KITLG: variants seen among roughly 807,000 people sequenced by gnomAD.
KITLG encodes the protein c-Kit ligand.
In KITLG, 13 loss-of-function variants were observed where a neutral mutation model predicts 34.1. The ratio of observed to expected loss-of-function variants is 0.38; its 90% CI spans 0.25 to 0.61. KITLG has a LOEUF of 0.61. Ranked by LOEUF, KITLG falls within the 20% of genes least tolerant of loss-of-function variation. The probability of loss-of-function intolerance (pLI) is 0.60; values close to 1 mark genes in which losing one functional copy is unlikely to be tolerated. For synonymous variants in KITLG, 110 were observed against 104.0 expected, an observed-to-expected ratio of 1.06 and a Z score of -0.35; for missense variants, 292 against 318.9, an observed-to-expected ratio of 0.92 and a Z score of 0.64.
At chr12:88,577,090 G>A (rs1301954039) in intron 1 of KITLG, among the ~76,000 whole-genome samples, 1 of 152,052 alleles carries the variant, frequency 6.6e-6, no homozygotes, top group Admixed American at 6.6e-5. Flanking sequence ...TACATAAATT[G>A]GAATTATTCA....
intron 3 of KITLG, among the ~76,000 whole-genome samples, chr12:88,532,148 G>A (rs1870118222): frequency 6.6e-6 from 1 of 152,058 alleles, no homozygotes; most frequent in South Asian, 2.1e-4. Flanking sequence ...TCCTGATGGT[G>A]GAGTGAGTGG....
At chr12:88,545,255 C>T (rs1870679296) in intron 2 of KITLG, among the ~76,000 whole-genome samples, 1 of 152,194 alleles carries the variant, frequency 6.6e-6, no homozygotes, top group Non-Finnish European at 1.5e-5. Context: ...AATGAATCAC[C>T]TCTCTATGTT....
chr12:88,521,262 G>C (rs2120849921), intron 3 of KITLG, among the ~76,000 whole-genome samples: 1 of 152,210 alleles, frequency 6.6e-6, no homozygotes, highest in African/African-American at 2.4e-5. Flanking sequence ...TGATCTGCCT[G>C]CTTGTAAGAG....
In KITLG at chr12:88,547,617, GC is replaced by G. The variant is rs536939675; in HGVS notation, c.16-1753del. Among the ~76,000 whole-genome samples, 587 of 152,222 alleles carry G rather than the reference GC, an allele frequency of 3.9e-3. 3 individuals are homozygous for G. The highest frequency in any genetic ancestry group is 5.6e-3 in the Non-Finnish European group (381 of 68,030). On this transcript the variant is annotated intron_variant, in intron 1 of 9. Transcript: ENST00000644744. The stretch of plus-strand genomic sequence containing the variant: ...GTCAGCTTTCTTTTATATTGTCATT[GC>G]TAAGACGTAACCTCCCTGGAAATAT...
rs1868592935 is a variant in KITLG at position 88,495,296 on chromosome 12, CAA to C, written c.*1921_*1922del. ...CTAGATTGAGAAGTATCTATCTTCTCAATCTATACACAACCTACACGCATAAC... is the reference window on the plus strand; with the variant it reads ...CTAGATTGAGAAGTATCTATCTTCTCTCTATACACAACCTACACGCATAAC... On this transcript the variant is annotated 3_prime_UTR_variant, in exon 10 of 10. Coordinates refer to ENST00000644744, the MANE Select transcript of KITLG (RefSeq NM_000899.5). The C allele has an allele frequency of 6.6e-6, 1 of 151,962 alleles. No homozygotes were observed. The highest frequency in any genetic ancestry group is 2.1e-4 in the South Asian group (1 of 4,818). The allele number at this position is 151,962 out of a possible 1,614,324, so 9.4% of individuals were successfully genotyped here.
At chr12:88,524,092 G>C (rs1869777749) in intron 3 of KITLG, among the ~76,000 whole-genome samples, 1 of 152,168 alleles carries the variant, frequency 6.6e-6, no homozygotes, top group African/African-American at 2.4e-5. Flanking sequence ...TTCACTTTGT[G>C]ATTTCAGGCA....
At chr12:88,511,160 G>A (rs1869264637) in intron 6 of KITLG, among the ~76,000 whole-genome samples, 1 of 152,134 alleles carries the variant, frequency 6.6e-6, no homozygotes, top group African/African-American at 2.4e-5. Context: ...CAGAGGCACG[G>A]GATTGAATAG....
intron 2 of KITLG, among the ~76,000 whole-genome samples, chr12:88,539,943 T>C (rs1870464515): frequency 6.6e-6 from 1 of 151,848 alleles, no homozygotes; most frequent in Non-Finnish European, 1.5e-5. Flanking sequence ...AGATGACAAC[T>C]TCAGGAGGCT....
chr12:88,564,617 T>C (rs539742013), intron 1 of KITLG, among the ~76,000 whole-genome samples: 4 of 152,282 alleles, frequency 2.6e-5, no homozygotes, highest in African/African-American at 9.6e-5. Context: ...TTTTGGAGCT[T>C]TTCTTTGCAA....
intron 3 of KITLG, 29 bp from the exon 4 acceptor site, chr12:88,518,896 A>G: frequency 6.2e-7 from 1 of 1,601,954 alleles, no homozygotes; most frequent in East Asian, 2.2e-5. Context: ...GAGACAAAAC[A>G]GCTATTTTAA....
intron 2 of KITLG, among the ~76,000 whole-genome samples, chr12:88,539,349 A>T (rs1387998311): frequency 6.6e-6 from 1 of 151,726 alleles, no homozygotes; most frequent in Non-Finnish European, 1.5e-5. Context: ...TTTTCTGGGG[A>T]AAGAGTCTAT....
chr12:88,568,531 G>T (rs140879160), intron 1 of KITLG, among the ~76,000 whole-genome samples: 8 of 151,954 alleles, frequency 5.3e-5, no homozygotes, highest in Non-Finnish European at 1.2e-4. Flanking sequence ...ACACCAATGA[G>T]GATATTGGGG....
intron 1 of KITLG, among the ~76,000 whole-genome samples, chr12:88,575,891 A>C (rs1038946532): frequency 1.3e-5 from 2 of 152,136 alleles, no homozygotes; most frequent in African/African-American, 4.8e-5. Context: ...CAGAAAAGAA[A>C]AATAAAAGTC....
intron 9 of KITLG, among the ~76,000 whole-genome samples, chr12:88,499,292 C>T (rs1220612069): frequency 6.6e-6 from 1 of 152,172 alleles, no homozygotes; most frequent in Non-Finnish European, 1.5e-5. Flanking sequence ...AATCACAGGT[C>T]TTGCTATTTG....
intron 1 of KITLG, among the ~76,000 whole-genome samples, chr12:88,557,525 T>C (rs1351406520): frequency 1.3e-5 from 2 of 152,200 alleles, no homozygotes; most frequent in Non-Finnish European, 2.9e-5. Flanking sequence ...TTCTAATTTC[T>C]GTGAGGATAA....
chr12:88,552,061 G>GCAAA (rs1398503110), intron 1 of KITLG, among the ~76,000 whole-genome samples: 3 of 152,056 alleles, frequency 2.0e-5, no homozygotes. Context: ...TCTAGAAGCT[G>GCAAA]CAAAAGAGAA....
At chr12:88,530,548 A>G (rs191117190) in intron 3 of KITLG, among the ~76,000 whole-genome samples, 1 of 152,212 alleles carries the variant, frequency 6.6e-6, no homozygotes, top group Admixed American at 6.5e-5. Context: ...ATCATTGCCT[A>G]ATTGGTGTGT....
intron 4 of KITLG, 48 bp from the exon 5 acceptor site, chr12:88,516,538 A>G: frequency 8.0e-7 from 1 of 1,250,982 alleles, no homozygotes; most frequent in South Asian, 1.3e-5. Flanking sequence ...TTCAGACTTA[A>G]CTGAGGTGAA....
chr12:88,553,840 T>C (rs1482368103), intron 1 of KITLG, among the ~76,000 whole-genome samples: 2 of 152,184 alleles, frequency 1.3e-5, no homozygotes, highest in Non-Finnish European at 2.9e-5. Flanking sequence ...CAGTGACAGA[T>C]GTGGCTGGTC....
Sources: gnomAD v4.1 joint callset for allele counts (sites outside exome capture counted in the v4.1 genomes callset) on GRCh38, gnomAD v4.1.1 for gene constraint, MANE v1.5 for transcripts, NCBI Gene and HGNC (gene_info 2026-07-23, HGNC 2026-07-21) for gene names.